Variants in SEPTIN7 observed in about 807,000 individuals in gnomAD.
SEPTIN7 encodes septin-7.
SEPTIN7 carries 10 observed loss-of-function variants against 63.3 expected under a neutral mutation model. That is an observed-to-expected ratio of 0.16 (90% CI 0.10 to 0.27). The LOEUF is 0.27. Ranked by LOEUF, SEPTIN7 falls within the 10% of genes least tolerant of loss-of-function variation. The pLI is 1.00. For synonymous variants in SEPTIN7, 131 were observed against 165.3 expected, an observed-to-expected ratio of 0.79 and a Z score of 1.59; for missense variants, 310 against 521.0, an observed-to-expected ratio of 0.59 and a Z score of 3.94.
chr7:35,892,180 A>G (rs1037978047), intron 11 of SEPTIN7, among the ~76,000 whole-genome samples: 6 of 152,220 alleles, frequency 3.9e-5, no homozygotes, highest in African/African-American at 1.4e-4. Flanking sequence ...GATCAACTAT[A>G]TAAATACGAA....
At chr7:35,898,180 G>T (rs1380829902) in intron 11 of SEPTIN7, 68 bp from the exon 12 acceptor site, 28 of 1,272,506 alleles carry the variant, frequency 2.2e-5, no homozygotes, top group Non-Finnish European at 2.9e-5. Flanking sequence ...TTCATCAGCT[G>T]TTTCATAGTT....
chr7:35,844,476 G>A (rs572575626), intron 3 of SEPTIN7, among the ~76,000 whole-genome samples: 217 of 152,320 alleles, frequency 1.4e-3, no homozygotes, highest in Non-Finnish European at 1.1e-3. Context: ...AAGTGCAGCA[G>A]CTGTTACACT....
intron 7 of SEPTIN7, 93 bp downstream of exon 7, chr7:35,880,033 C>T (rs1786732599): frequency 1.4e-6 from 1 of 703,086 alleles, no homozygotes; most frequent in Non-Finnish European, 2.6e-6. Flanking sequence ...ATCCATTCCT[C>T]TTACTGCTTT....
At chr7:35,879,971 A>G (rs369915054) in intron 7 of SEPTIN7, 31 bp downstream of exon 7, 4 of 1,261,068 alleles carry the variant, frequency 3.2e-6, no homozygotes, top group Non-Finnish European at 4.5e-6. Flanking sequence ...CAGGTTTCTT[A>G]TACCGTTCTC....
At chr7:35,857,757 A>G (rs959405116) in intron 3 of SEPTIN7, among the ~76,000 whole-genome samples, 1 of 152,186 alleles carries the variant, frequency 6.6e-6, no homozygotes, top group African/African-American at 2.4e-5. Flanking sequence ...GCTAATTTTT[A>G]AAGAGTATTA....
At chr7:35,860,701 A>G (rs970598270) in intron 3 of SEPTIN7, among the ~76,000 whole-genome samples, 11 of 152,226 alleles carry the variant, frequency 7.2e-5, no homozygotes, top group Admixed American at 2.6e-4. Flanking sequence ...GTTTCTGCCA[A>G]AAAGTTGGCT....
At chr7:35,840,466 T>TGGG (rs1359371133) in intron 3 of SEPTIN7, among the ~76,000 whole-genome samples, 1 of 151,548 alleles carries the variant, frequency 6.6e-6, no homozygotes, top group Non-Finnish European at 1.5e-5. Flanking sequence ...TTTGTAGAGA[T>TGGG]GGGGTCTCAC....
At chr7:35,858,986 A>G (rs1399319188) in intron 3 of SEPTIN7, among the ~76,000 whole-genome samples, 1 of 152,070 alleles carries the variant, frequency 6.6e-6, no homozygotes, top group Non-Finnish European at 1.5e-5. Context: ...TGCCGTTTCT[A>G]TTCTTAAAAT....
intron 3 of SEPTIN7, among the ~76,000 whole-genome samples, chr7:35,858,960 G>A (rs1170651928): frequency 1.3e-5 from 2 of 151,826 alleles, no homozygotes; most frequent in African/African-American, 4.8e-5. Context: ...GATTACAGGC[G>A]TGAGCCACCA....
rs1362744469 is a variant in SEPTIN7 at position 35,906,313 on chromosome 7, G to C, written c.*2020G>C. The C allele has an allele frequency of 6.6e-6, 1 of 152,154 alleles. No homozygotes were observed. Among genetic ancestry groups the C allele is most frequent in the African/African-American group, 2.4e-5 (1 of 41,436 alleles). 9.4% of individuals were successfully genotyped at this position (152,154 alleles called of 1,614,324 possible). A position where few individuals can be genotyped will look rare whatever the true frequency, so the allele number is the denominator to read the frequency against. On this transcript the variant is annotated 3_prime_UTR_variant, in exon 14 of 14. Transcript: ENST00000350320. ...CATGCCCAGGGTTTTACCTGAATCT[G>C]ATACAGGATCTATATAACTTTACTA...
At chr7:35,904,127 T>C (rs565803924) in intron 13 of SEPTIN7, 127 bp from the exon 14 acceptor site, 45 of 568,704 alleles carry the variant, frequency 7.9e-5, no homozygotes, top group African/African-American at 4.1e-4. Context: ...CTTTTAATTT[T>C]TTTCAGTGAA....
At chr7:35,855,673 T>A (rs1370253067) in intron 3 of SEPTIN7, among the ~76,000 whole-genome samples, 1 of 152,212 alleles carries the variant, frequency 6.6e-6, no homozygotes, top group Admixed American at 6.5e-5. Context: ...TGGATTGTGT[T>A]ATTTTTTATT....
Position 35,890,731 on chromosome 7 carries a change from A to G in SEPTIN7, c.936A>G (p.Arg312=). ...TCCACTATGAGAACTACAGAAGCAG[A>G]AAACTTGCAGCTGTGACTTATAATG... ...NNVHYENYRS[R]KLAAVTYNGV... The change falls in exon 11 of 14, where the codon AGA becomes AGG. Residue 312 remains arginine, a synonymous_variant. Coordinates refer to ENST00000350320, the MANE Select transcript of SEPTIN7 (RefSeq NM_001788.6). The G allele has an allele frequency of 6.2e-7, 1 of 1,601,090 alleles. No homozygotes were observed. Among genetic ancestry groups the G allele is most frequent in the Non-Finnish European group, 8.5e-7 (1 of 1,175,486 alleles).
intron 11 of SEPTIN7, among the ~76,000 whole-genome samples, chr7:35,895,513 A>C (rs1434837506): frequency 6.6e-6 from 1 of 152,242 alleles, no homozygotes; most frequent in Non-Finnish European, 1.5e-5. Context: ...TGCAGGTTTA[A>C]AACTTTCAAG....
At chr7:35,864,867 T>C (rs974511105) in intron 4 of SEPTIN7, among the ~76,000 whole-genome samples, 3 of 152,134 alleles carry the variant, frequency 2.0e-5, no homozygotes, top group African/African-American at 7.2e-5. Context: ...GAAGTGGTAG[T>C]GATCATCCCA....
At chr7:35,903,621 G>A (rs1307695248) in intron 13 of SEPTIN7, among the ~76,000 whole-genome samples, 1 of 152,036 alleles carries the variant, frequency 6.6e-6, no homozygotes, top group East Asian at 1.9e-4. Flanking sequence ...ATGTTTTTAC[G>A]ATAAAATTCT....
At chr7:35,855,849 A>G (rs1015301207) in intron 3 of SEPTIN7, among the ~76,000 whole-genome samples, 10 of 152,184 alleles carry the variant, frequency 6.6e-5, no homozygotes, top group African/African-American at 2.2e-4. Context: ...ATATTTGACA[A>G]TTAAGCATAT....
intron 3 of SEPTIN7, among the ~76,000 whole-genome samples, chr7:35,836,127 G>C (rs1454648643): frequency 5.3e-5 from 8 of 152,142 alleles, no homozygotes. Flanking sequence ...TAGAATTCTT[G>C]ATTTTGAATC....
At chr7:35,847,056 A>G in intron 3 of SEPTIN7, 1 of 177,374 alleles carries the variant, frequency 5.6e-6, no homozygotes, top group South Asian at 1.4e-4. Flanking sequence ...AGGTATGTGA[A>G]ATAATGTCAC....
Sources: gnomAD v4.1 joint callset for allele counts (sites outside exome capture counted in the v4.1 genomes callset) on GRCh38, gnomAD v4.1.1 for gene constraint, MANE v1.5 for transcripts, NCBI Gene and HGNC (gene_info 2026-07-23, HGNC 2026-07-21) for gene names.